Variants in ZNF347 observed in about 807,000 individuals in gnomAD.
ZNF347 encodes the protein CTD-2620I22.7.
A neutral mutation model predicts 12.9 loss-of-function variants in ZNF347; 19 were observed. The ratio of observed to expected loss-of-function variants is 1.47; its 90% confidence interval spans 1.03 to 2.16. The LOEUF is 2.16. Ranked by LOEUF, ZNF347 falls within the 30% of genes most tolerant of loss-of-function variation. The probability of loss-of-function intolerance (pLI) is 0.00; values close to 1 mark genes in which losing one functional copy is unlikely to be tolerated. For missense variants in ZNF347, 1,005 were observed against 990.6 expected (o/e 1.01, Z -0.19); for synonymous variants, 328 against 340.6 (o/e 0.96, Z 0.41).
Position 53,135,339 on chromosome 19 carries a change from T to TATATATATATAGAG in ZNF347, c.*4968_*4969insCTCTATATATATAT. The stretch of plus-strand genomic sequence containing the variant: ...ATATATATATATATATATATATATA[T>TATATATATATAGAG]AGAGAGAGAGAGAGAGAGAGAGAGA... On this transcript the variant is annotated 3_prime_UTR_variant, in exon 5 of 5. Transcript: ENST00000334197. 1.2e-5 allele frequency: 1 copy of TATATATATATAGAG among 85,256 alleles called. No individual in the cohort carries two copies. Among genetic ancestry groups the TATATATATATAGAG allele is most frequent in the East Asian group, 3.2e-4 (1 of 3,104 alleles). 5.3% of individuals were successfully genotyped at this position (85,256 alleles called of 1,614,324 possible).
chr19:53,147,022 T>C (rs1420245749), intron 4 of ZNF347, among the ~76,000 whole-genome samples: 2 of 151,850 alleles, frequency 1.3e-5, no homozygotes, highest in Non-Finnish European at 2.9e-5. Flanking sequence ...GACTGCTTGA[T>C]GCCAGAAGTT....
At position 53,135,299 on chromosome 19, in the gene ZNF347, A is replaced by AATATATATATAT. The variant is rs66614865; in HGVS notation, c.*4997_*5008dup. 1.4e-5 allele frequency: 1 copy of AATATATATATAT among 72,658 alleles called. No individual in the cohort carries two copies. Among genetic ancestry groups the AATATATATATAT allele is most frequent in the African/African-American group, 6.5e-5 (1 of 15,318 alleles). 4.5% of individuals were successfully genotyped at this position (72,658 alleles called of 1,614,324 possible). On this transcript the variant is annotated 3_prime_UTR_variant, in exon 5 of 5. Coordinates refer to ENST00000334197, the MANE Select transcript of ZNF347 (RefSeq NM_032584.3). ...TCTTCATAGTTCTACCCATTTTCTA[A>AATATATATATAT]ATATATATATATATATATATATATA... is the stretch of plus-strand genomic sequence containing the variant.
Position 53,139,633 on chromosome 19 carries a change from T to G in ZNF347, c.*675A>C, listed in dbSNP as rs908297298. On this transcript the variant is annotated 3_prime_UTR_variant, in exon 5 of 5. Transcript: ENST00000334197. ...GTAATTATTGTGCAGTTTATCATTT[T>G]AAAAGTGAATCAAAGAACTAGAGAC... 1.3e-5 allele frequency: 2 copies of G among 152,244 alleles called. No homozygotes were observed. Among genetic ancestry groups the G allele is most frequent in the Admixed American group, 6.5e-5 (1 of 15,276 alleles). 9.4% of individuals were successfully genotyped at this position (152,244 alleles called of 1,614,324 possible).
At chr19:53,147,371 T>C (rs1303875442) in intron 4 of ZNF347, among the ~76,000 whole-genome samples, 3 of 146,456 alleles carry the variant, frequency 2.0e-5, no homozygotes, top group African/African-American at 7.8e-5. Flanking sequence ...CGAGACTGCA[T>C]CTCAAAAACA....
Position 53,135,859 on chromosome 19 carries a change from T to C in ZNF347, c.*4449A>G, listed in dbSNP as rs564756739. 25 of 152,274 alleles carry C rather than the reference T, an allele frequency of 1.6e-4. No individual in the cohort carries two copies. In the East Asian group the frequency reaches 3.7e-3, roughly 22 times the overall value. 9.4% of individuals were successfully genotyped at this position (152,274 alleles called of 1,614,324 possible). A position where few individuals can be genotyped will look rare whatever the true frequency, so the allele number is the denominator to read the frequency against. ...GATAAATCACTTATTAAAGAATATA[T>C]ATCAGTTTTTTAAAATGGAAACAAA... On this transcript the variant is annotated 3_prime_UTR_variant, in exon 5 of 5. Coordinates refer to ENST00000334197, the MANE Select transcript of ZNF347 (RefSeq NM_032584.3).
chr19:53,142,687 G>A (rs1362388373), intron 4 of ZNF347, 131 bp from the exon 5 acceptor site: 1 of 672,124 alleles, frequency 1.5e-6, no homozygotes, highest in African/African-American at 1.8e-5. Context: ...ACAGATTTAT[G>A]AAACTTCAGA....
In ZNF347 at chr19:53,136,814, A is replaced by C. The variant is rs1189266003; in HGVS notation, c.*3494T>G. The C allele has an allele frequency of 6.6e-6, 1 of 152,206 alleles. No homozygotes were observed. The highest frequency in any genetic ancestry group is 1.5e-5 in the Non-Finnish European group (1 of 68,030). 9.4% of individuals were successfully genotyped at this position (152,206 alleles called of 1,614,324 possible). Reference sequence around the variant, plus strand: ...AGAATGACGTTGTGTAATGGGCCCTATGGGTTCAGCAGAAAGGAAGAGTAT... The same window carrying C: ...AGAATGACGTTGTGTAATGGGCCCTCTGGGTTCAGCAGAAAGGAAGAGTAT... On this transcript the variant is annotated 3_prime_UTR_variant, in exon 5 of 5. Coordinates refer to ENST00000334197, the MANE Select transcript of ZNF347 (RefSeq NM_032584.3).
chr19:53,156,712 G>A (rs141601483), intron 1 of ZNF347, among the ~76,000 whole-genome samples: 2 of 152,302 alleles, frequency 1.3e-5, no homozygotes, highest in African/African-American at 4.8e-5. Flanking sequence ...GTGGTGGGGA[G>A]GGGGATGTCA....
chr19:53,151,569 A>C (rs530998337), intron 2 of ZNF347, among the ~76,000 whole-genome samples: 24 of 151,140 alleles, frequency 1.6e-4, no homozygotes, highest in African/African-American at 4.4e-4. Flanking sequence ...CAAATAGTTA[A>C]GTAAAAGAAC....
Position 53,149,207 on chromosome 19 carries a change from C to T in ZNF347, c.142+34G>A, listed in dbSNP as rs1464130951. The T allele has an allele frequency of 2.5e-6, 4 of 1,608,638 alleles. No individual in the cohort carries two copies. The East Asian group carries it at 8.9e-5, about 36-fold the overall frequency. ...TGGAAAATGAAAAGATACACAGGGGCAGATCCTGACTTCTGGAAGAAAGTC... is the reference window on the plus strand; with the variant it reads ...TGGAAAATGAAAAGATACACAGGGGTAGATCCTGACTTCTGGAAGAAAGTC... On this transcript the variant is annotated intron_variant, in intron 3 of 4. Coordinates refer to ENST00000334197, the MANE Select transcript of ZNF347 (RefSeq NM_032584.3).
In ZNF347 at chr19:53,141,436, C is replaced by A. The variant is rs1201234317; in HGVS notation, c.1392G>T (p.Lys464Asn). 1 of 1,613,792 alleles carries A rather than the reference C, an allele frequency of 6.2e-7. No individual in the cohort carries two copies. Among genetic ancestry groups the A allele is most frequent in the Admixed American group, 1.7e-5 (1 of 59,982 alleles). The part of the protein sequence containing the change: ...EKPYKCHECG[K>N]VFRRNSHLAR... ...CAAGGTGTGAATTACGCCTAAAGAC[C>A]TTGCCGCATTCATGACATTTGTAAG... is the stretch of plus-strand genomic sequence containing the variant. The change falls in exon 5 of 5, where the codon AAG becomes AAT. Residue 464 changes from lysine (K) to asparagine (N), a missense_variant. Lys to Asn is a moderately conservative substitution (Grantham distance 94, BLOSUM62 0). Transcript: ENST00000334197.
rs66614865 is a variant in ZNF347 at position 53,135,299 on chromosome 19, A to AATATATAT, written c.*5001_*5008dup. 2.8e-5 allele frequency: 2 copies of AATATATAT among 72,672 alleles called. No individual in the cohort carries two copies. Among genetic ancestry groups the AATATATAT allele is most frequent in the African/African-American group, 1.3e-4 (2 of 15,350 alleles). 4.5% of individuals were successfully genotyped at this position (72,672 alleles called of 1,614,324 possible). A position where few individuals can be genotyped will look rare whatever the true frequency, so the allele number is the denominator to read the frequency against. On this transcript the variant is annotated 3_prime_UTR_variant, in exon 5 of 5. Coordinates refer to ENST00000334197, the MANE Select transcript of ZNF347 (RefSeq NM_032584.3). ...TCTTCATAGTTCTACCCATTTTCTA[A>AATATATAT]ATATATATATATATATATATATATA...
Position 53,137,502 on chromosome 19 carries a change from C to T in ZNF347, c.*2806G>A, listed in dbSNP as rs867115435. 6.6e-6 allele frequency: 1 copy of T among 152,172 alleles called. No homozygotes were observed. The highest frequency in any genetic ancestry group is 2.1e-4 in the South Asian group (1 of 4,824). The allele number at this position is 152,172 out of a possible 1,614,324, so 9.4% of individuals were successfully genotyped here. A position where few individuals can be genotyped will look rare whatever the true frequency, so the allele number is the denominator to read the frequency against. On this transcript the variant is annotated 3_prime_UTR_variant, in exon 5 of 5. Transcript: ENST00000334197. Reference sequence around the variant, plus strand: ...TTTGGGAAGTCAATCCTGCTTCTCACAGAAAGCCTCATTATGCAATACACA... The same window carrying T: ...TTTGGGAAGTCAATCCTGCTTCTCATAGAAAGCCTCATTATGCAATACACA...
At chr19:53,149,552 G>T (rs2146808563) in intron 2 of ZNF347, 185 bp from the exon 3 acceptor site, 1 of 1,221,036 alleles carries the variant, frequency 8.2e-7, no homozygotes, top group Non-Finnish European at 1.1e-6. Flanking sequence ...TCTCTGGAGT[G>T]ATAAGTGCCT....
At chr19:53,150,840 A>G (rs966092083) in intron 2 of ZNF347, among the ~76,000 whole-genome samples, 27 of 152,126 alleles carry the variant, frequency 1.8e-4, no homozygotes, top group African/African-American at 6.3e-4. Flanking sequence ...CCTGGGTTGA[A>G]GCGATTCTCC....
In ZNF347 at chr19:53,139,119, C is replaced by T. The variant is rs1462388557; in HGVS notation, c.*1189G>A. 2.6e-5 allele frequency: 4 copies of T among 152,152 alleles called. No individual in the cohort carries two copies. Among genetic ancestry groups the T allele is most frequent in the African/African-American group, 9.7e-5 (4 of 41,432 alleles). 9.4% of individuals were successfully genotyped at this position (152,152 alleles called of 1,614,324 possible). A position where few individuals can be genotyped will look rare whatever the true frequency, so the allele number is the denominator to read the frequency against. Reference sequence around the variant, plus strand: ...ATAATCAGTCACTAATAACTTATTACTCTCCTCTCATAAAAATTCCAGTGT... The same window carrying T: ...ATAATCAGTCACTAATAACTTATTATTCTCCTCTCATAAAAATTCCAGTGT... On this transcript the variant is annotated 3_prime_UTR_variant, in exon 5 of 5. Transcript: ENST00000334197.
intron 4 of ZNF347, among the ~76,000 whole-genome samples, chr19:53,146,123 G>T (rs557646078): frequency 6.6e-6 from 1 of 151,902 alleles, no homozygotes; most frequent in African/African-American, 2.4e-5. Flanking sequence ...TTACAGGCAT[G>T]TGCCCCCACG....
intron 2 of ZNF347, among the ~76,000 whole-genome samples, chr19:53,150,635 A>AAT (rs2090491271): frequency 6.6e-6 from 1 of 152,206 alleles, no homozygotes; most frequent in Non-Finnish European, 1.5e-5. Flanking sequence ...GTGTACAGTG[A>AAT]CTTTAAAGAA....
Position 53,141,820 on chromosome 19 carries a change from CTGA to C in ZNF347, c.1005_1007del (p.His335del), listed in dbSNP as rs768122155. 8.1e-6 allele frequency: 13 copies of C among 1,614,020 alleles called. No individual in the cohort carries two copies. Among genetic ancestry groups the C allele is most frequent in the Non-Finnish European group, 8.5e-6 (10 of 1,179,998 alleles). On this transcript the variant is annotated inframe_deletion, in exon 5 of 5. Coordinates refer to ENST00000334197, the MANE Select transcript of ZNF347 (RefSeq NM_032584.3). ...AAGGTTTCTCTCCAGTGTGAATTTT[CTGA>C]TGTTGTGAGAGTTGTGAATTTCGAC...
Sources: gnomAD v4.1 joint callset for allele counts (sites outside exome capture counted in the v4.1 genomes callset) on GRCh38, gnomAD v4.1.1 for gene constraint, MANE v1.5 for transcripts, NCBI Gene and HGNC (gene_info 2026-07-23, HGNC 2026-07-21) for gene names.